SPIN2A: variants seen among roughly 807,000 people sequenced by gnomAD.
SPIN2A encodes the protein spindlin family member 2A.
In SPIN2A, 4 loss-of-function variants were observed where a neutral mutation model predicts 9.2. That is an observed-to-expected ratio of 0.44 (90% CI 0.21 to 1.00). SPIN2A has a LOEUF of 1.00. Among genes scored for constraint, SPIN2A ranks in the 50% least tolerant of loss-of-function variants. SPIN2A has a pLI of 0.26. For missense variants in SPIN2A, 77 were observed against 172.8 expected (o/e 0.45, Z 3.11); for synonymous variants, 25 against 61.2 (o/e 0.41, Z 2.76).
intron 1 of SPIN2A, chrX:57,136,851 C>A: frequency 2.0e-6 from 1 of 497,222 alleles, no homozygotes; most frequent in Non-Finnish European, 3.3e-6. Flanking sequence ...GGCTGGGCCA[C>A]CTCCTCCTAG....
chrX:57,138,549 C>A (rs1333499070), upstream of SPIN2A, among the ~76,000 whole-genome samples: 1 of 110,953 alleles, frequency 9.0e-6, no homozygotes, highest in African/African-American at 3.3e-5. Flanking sequence ...CGTTGATATG[C>A]TGATTTCCTT....
chrX:57,143,119 G>A, the SPIN2A span, among the ~76,000 whole-genome samples: 1 of 110,717 alleles, frequency 9.0e-6, no homozygotes. Context: ...ATATTATTAC[G>A]GATAGGTAAG....
chrX:57,137,354 T>C lies in SPIN2A; in HGVS notation c.-100A>G. On this transcript the variant is annotated 5_prime_UTR_variant, in exon 1 of 2. It removes an upstream start codon present in the reference 5' UTR. Transcript: ENST00000374906. The stretch of plus-strand genomic sequence containing the variant: ...GCAAGAGCGGGGAGGGTAGGATCCA[T>C]AGATGAGGAGCGTGTGTAGGAGCGC... 1.3e-6 allele frequency: 1 copy of C among 757,043 alleles called. No individual in the cohort carries two copies. The highest frequency in any genetic ancestry group is 1.6e-6 in the Non-Finnish European group (1 of 640,913). 62.4% of individuals were successfully genotyped at this position (757,043 alleles called of 1,213,427 possible).
At chrX:57,137,873 A>G (rs1232911350), upstream of SPIN2A, among the ~76,000 whole-genome samples, 2 of 111,737 alleles carry the variant, frequency 1.8e-5, no homozygotes, top group African/African-American at 6.5e-5. Flanking sequence ...ATGTATGTAT[A>G]TATATATATA....
downstream of SPIN2A, chrX:57,135,566 T>C (rs906183957): frequency 8.0e-6 from 4 of 497,421 alleles, no homozygotes; most frequent in Admixed American, 1.7e-4. Context: ...ACAGCCGAAA[T>C]TGACAGCTGT....
At chrX:57,145,260 G>C in the SPIN2A span, among the ~76,000 whole-genome samples, 1 of 107,951 alleles carries the variant, frequency 9.3e-6, no homozygotes, top group East Asian at 2.8e-4. Flanking sequence ...TTTTGGGGGG[G>C]GGTAAGGTGG....
chrX:57,137,262 C>A lies in SPIN2A; in HGVS notation c.-8G>T. Reference sequence around the variant, plus strand: ...CCTCACGTGCCGAAATCGGATACCTCGATGCTGCCTCTGCTGTGAGCCTGT... The same window carrying A: ...CCTCACGTGCCGAAATCGGATACCTAGATGCTGCCTCTGCTGTGAGCCTGT... On this transcript the variant is annotated splice_region_variant and 5_prime_UTR_variant, in exon 1 of 2. Transcript: ENST00000374906. 2 of 761,678 alleles carry A rather than the reference C, an allele frequency of 2.6e-6. No homozygotes were observed. The highest frequency in any genetic ancestry group is 3.1e-6 in the Non-Finnish European group (2 of 642,985). The allele number at this position is 761,678 out of a possible 1,213,427, so 62.8% of individuals were successfully genotyped here.
chrX:57,135,491 A>G (rs150461805), downstream of SPIN2A: 1 of 286,795 alleles, frequency 3.5e-6, no homozygotes, highest in African/African-American at 2.8e-5. Flanking sequence ...CCCCCTCCAG[A>G]CCAGACCAGC....
chrX:57,141,620 G>A (rs1928005736), upstream of SPIN2A, among the ~76,000 whole-genome samples: 1 of 111,184 alleles, frequency 9.0e-6, no homozygotes, highest in Non-Finnish European at 1.9e-5. Context: ...CCTATTATTG[G>A]TCCGTTCAGG....
At chrX:57,139,129 AG>A (rs1286075032), upstream of SPIN2A, among the ~76,000 whole-genome samples, 1 of 112,433 alleles carries the variant, frequency 8.9e-6, no homozygotes, top group East Asian at 2.8e-4. Flanking sequence ...ATCGTTGCTC[AG>A]ACCAATGTCC....
rs1569185550 is a variant in SPIN2A at position 57,135,928 on chromosome X, T to C, written c.670A>G (p.Arg224Gly). The change falls in exon 2 of 2, where the codon AGG (arginine) becomes GGG (glycine). Residue 224 changes from arginine (R) to glycine (G), a missense_variant. Arg to Gly is a moderately radical substitution (Grantham distance 125). Around this residue, in one of 4 missense-constraint regions of SPIN2A, gnomAD observed 36 missense variants for 47.6 expected, o/e 0.76. Coordinates refer to ENST00000374906, the MANE Select transcript of SPIN2A (RefSeq NM_019003.5). The stretch of plus-strand genomic sequence containing the variant: ...ACTTGGTGAATGACCATGCCGATCC[T>C]TTTGGAGCCATCTTCTTTGGTATAT... Reference protein sequence around the residue: ...VEYTKEDGSKRIGMVIHQVET... With the variant: ...VEYTKEDGSKGIGMVIHQVET... The C allele has an allele frequency of 8.3e-7, 1 of 1,210,349 alleles. No homozygotes were observed. The highest frequency in any genetic ancestry group is 3.0e-5 in the East Asian group (1 of 33,803).
chrX:57,135,579 G>A (rs749014534), downstream of SPIN2A: 29 of 558,162 alleles, frequency 5.2e-5, 1 homozygote, highest in Middle Eastern at 1.8e-3. Flanking sequence ...ACAGCTGTTC[G>A]TTCCTTCCAT....
chrX:57,144,330 T>C, the SPIN2A span, among the ~76,000 whole-genome samples: 9 of 102,326 alleles, frequency 8.8e-5, no homozygotes, highest in African/African-American at 2.9e-4. Flanking sequence ...TTTAACATTC[T>C]TGTATTTGGA....
the SPIN2A span, among the ~76,000 whole-genome samples, chrX:57,143,693 G>T: frequency 9.0e-6 from 1 of 110,890 alleles, no homozygotes; most frequent in Non-Finnish European, 1.9e-5. Flanking sequence ...GCCTGGGCTG[G>T]TCTTGAACTC....
intron 1 of SPIN2A, 132 bp downstream of exon 1, chrX:57,137,128 G>T (rs1927832830): frequency 1.3e-6 from 1 of 761,358 alleles, no homozygotes; most frequent in Non-Finnish European, 1.6e-6. Context: ...CTTGCCTGGC[G>T]CCCAACTCCA....
the SPIN2A span, among the ~76,000 whole-genome samples, chrX:57,142,710 G>C: frequency 9.0e-6 from 1 of 111,515 alleles, no homozygotes; most frequent in African/African-American, 3.3e-5. Context: ...GGGTGTTATA[G>C]TCCACACTTG....
the SPIN2A span, among the ~76,000 whole-genome samples, chrX:57,143,670 G>A: frequency 7.2e-5 from 8 of 110,524 alleles, no homozygotes; most frequent in South Asian, 3.9e-4. Flanking sequence ...TAGACAGGGG[G>A]TTTCTCCATG....
chrX:57,137,231 C>T (rs1361738618), intron 1 of SPIN2A, 29 bp downstream of exon 1: 4 of 760,713 alleles, frequency 5.3e-6, no homozygotes, highest in Non-Finnish European at 6.2e-6. Flanking sequence ...CGCCGGGGAT[C>T]GCGGGCCTCA....
chrX:57,143,246 C>T, the SPIN2A span, among the ~76,000 whole-genome samples: 18 of 109,470 alleles, frequency 1.6e-4, no homozygotes, highest in Non-Finnish European at 3.2e-4. Flanking sequence ...ATCTTAATTC[C>T]TTGCTTTATA....
Sources: gnomAD v4.1 joint callset for allele counts (sites outside exome capture counted in the v4.1 genomes callset) on GRCh38, gnomAD v4.1.1 for gene constraint, gnomAD v4.1.1 regional missense constraint, MANE v1.5 for transcripts, NCBI Gene and HGNC (gene_info 2026-07-23, HGNC 2026-07-21) for gene names.